The following METTL2A variants were observed in gnomAD, a reference collection of about 807,000 sequenced individuals.
METTL2A encodes the protein methyltransferase 2A, tRNA N3-cytidine, also known as tRNA N(3)-cytidine methyltransferase METTL2A.
METTL2A carries 45 observed loss-of-function variants against 49.4 expected under a neutral mutation model. That is an observed-to-expected ratio of 0.91 (90% CI 0.72 to 1.17). The LOEUF is 1.17. METTL2A is among the 50% of genes most tolerant of loss of function. METTL2A has a pLI of 0.00. For missense variants in METTL2A, 361 were observed against 462.2 expected (o/e 0.78, Z 2.01); for synonymous variants, 118 against 167.5 (o/e 0.70, Z 2.28).
intron 7 of METTL2A, among the ~76,000 whole-genome samples, chr17:62,447,249 A>AT (rs2070774949): frequency 6.6e-6 from 1 of 151,706 alleles, no homozygotes; most frequent in Non-Finnish European, 1.5e-5. Context: ...TGAAACCCTG[A>AT]CTCTACTAAA....
chr17:62,426,642 C>T lies in METTL2A; in HGVS notation c.546C>T (p.Tyr182=), dbSNP rs1301950429. The T allele has an allele frequency of 1.4e-6, 2 of 1,436,284 alleles. No individual in the cohort carries two copies. The allele number at this position is 1,436,284 out of a possible 1,614,324, so 89.0% of individuals were successfully genotyped here. Residue 182 remains tyrosine (Y), a synonymous_variant, in exon 3 of 9, where the codon TAC becomes TAT. Coordinates refer to ENST00000311506, the MANE Select transcript of METTL2A (RefSeq NM_181725.4). ...ADEFPGSSAT[Y]RILEVGCGVG... Reference sequence around the variant, plus strand: ...AGTTTCCTGGATCCTCAGCCACCTACCGAATACTGGAGGTAACCTTTTATT... The same window carrying T: ...AGTTTCCTGGATCCTCAGCCACCTATCGAATACTGGAGGTAACCTTTTATT...
At chr17:62,426,045 T>G (rs1221373067) in intron 2 of METTL2A, among the ~76,000 whole-genome samples, 1 of 151,176 alleles carries the variant, frequency 6.6e-6, no homozygotes, top group East Asian at 2.0e-4. Context: ...GGACACTTGA[T>G]AGATAGTAAG....
rs2070759205 is a variant in METTL2A, at chr17:62,444,922, G to A, written c.895G>A (p.Ala299Thr). The change falls in exon 7 of 9, where the codon GCT becomes ACT. Residue 299 changes from alanine to threonine, a missense_variant. Ala to Thr is a moderately conservative substitution (Grantham distance 58). Around this residue, in one of 3 missense-constraint regions of METTL2A, gnomAD observed 183 missense variants for 216.5 expected, o/e 0.85. Transcript: ENST00000311506. ...LLRDYGRYDMAQLRFKKGQCL... is the reference protein window; with the variant it reads ...LLRDYGRYDMTQLRFKKGQCL... ...GCGAGATTACGGCCGCTATGACATGGCTCAGCTTCGGTTTAAAAAAGGTAT... is the reference window on the plus strand; with the variant it reads ...GCGAGATTACGGCCGCTATGACATGACTCAGCTTCGGTTTAAAAAAGGTAT... 1.9e-6 allele frequency: 3 copies of A among 1,613,686 alleles called. No homozygotes were observed. Among genetic ancestry groups the A allele is most frequent in the Admixed American group, 1.7e-5 (1 of 59,932 alleles).
In METTL2A at chr17:62,424,171, C is replaced by G. The variant is rs753967338; in HGVS notation, c.111-48C>G. 5 of 1,613,624 alleles carry G rather than the reference C, an allele frequency of 3.1e-6. No homozygotes were observed. In the Admixed American group the frequency reaches 6.7e-5, roughly 22 times the overall value. On this transcript the variant is annotated intron_variant, in intron 1 of 8. Coordinates refer to ENST00000311506, the MANE Select transcript of METTL2A (RefSeq NM_181725.4). ...CTCCTAGGCCAGCGACTCACCCTGC[C>G]CGCAGCCAGGACGTGAGGCCCCTAA...
intron 6 of METTL2A, among the ~76,000 whole-genome samples, 166 bp from the exon 7 acceptor site, chr17:62,444,671 C>T (rs2070757279): frequency 6.6e-6 from 1 of 152,198 alleles, no homozygotes; most frequent in South Asian, 2.1e-4. Flanking sequence ...TGTGAGCAGG[C>T]AGCTAATGTC....
chr17:62,426,180 C>T (rs887118484), intron 2 of METTL2A, 119 bp from the exon 3 acceptor site: 22 of 949,644 alleles, frequency 2.3e-5, no homozygotes, highest in African/African-American at 5.0e-5. Flanking sequence ...GGGACTGTGG[C>T]TCTACCTGAG....
intron 5 of METTL2A, among the ~76,000 whole-genome samples, chr17:62,436,530 C>T (rs1011089804): frequency 2.0e-5 from 3 of 150,686 alleles, no homozygotes; most frequent in South Asian, 4.2e-4. Context: ...CCAGTCTGGG[C>T]GACAGTGAGA....
chr17:62,443,800 C>T (rs1425332606), intron 6 of METTL2A, among the ~76,000 whole-genome samples: 1 of 152,134 alleles, frequency 6.6e-6, no homozygotes, highest in Non-Finnish European at 1.5e-5. Flanking sequence ...CCATGTTGGC[C>T]AGGCTGGTCT....
intron 6 of METTL2A, among the ~76,000 whole-genome samples, 153 bp from the exon 7 acceptor site, chr17:62,444,684 T>G (rs112142735): frequency 2.0e-5 from 3 of 152,292 alleles, no homozygotes; most frequent in African/African-American, 7.2e-5. Context: ...CTAATGTCCT[T>G]CAGTTCTAAC....
At chr17:62,440,036 T>C (rs2144149794) in intron 5 of METTL2A, among the ~76,000 whole-genome samples, 1 of 149,840 alleles carries the variant, frequency 6.7e-6, no homozygotes, top group South Asian at 2.1e-4. Flanking sequence ...TTTTTTTTTC[T>C]TTTTTTTAGA....
chr17:62,448,554 A>T (rs760597245), intron 8 of METTL2A, 21 bp from the exon 9 acceptor site: 3 of 1,611,028 alleles, frequency 1.9e-6, no homozygotes, highest in Non-Finnish European at 2.5e-6. Context: ...ATGCATAAAC[A>T]TCTTTTATTT....
At chr17:62,424,148 C>T (rs1486705149) in intron 1 of METTL2A, 71 bp from the exon 2 acceptor site, 4 of 1,607,080 alleles carry the variant, frequency 2.5e-6, no homozygotes, top group African/African-American at 1.3e-5. Context: ...GAGAGAAACT[C>T]CTAGGCCAGC....
chr17:62,424,350 G>C, intron 2 of METTL2A, 40 bp downstream of exon 2: 1 of 1,612,484 alleles, frequency 6.2e-7, no homozygotes, highest in Non-Finnish European at 8.5e-7. Context: ...AACAGCCAGC[G>C]TACTGCCGAA....
At chr17:62,427,767 A>C in intron 3 of METTL2A, 21 bp from the exon 4 acceptor site, 1 of 1,603,076 alleles carries the variant, frequency 6.2e-7, no homozygotes, top group Non-Finnish European at 8.5e-7. Flanking sequence ...TCTGTGATTA[A>C]TAGTTCATTT....
intron 5 of METTL2A, among the ~76,000 whole-genome samples, chr17:62,438,645 AG>A (rs1421910024): frequency 6.6e-6 from 1 of 151,458 alleles, no homozygotes; most frequent in African/African-American, 2.4e-5. Context: ...AGGAATTGGT[AG>A]TGCCATGCTT....
In METTL2A at chr17:62,426,361, T is replaced by G; in HGVS notation, c.265T>G (p.Phe89Val). Residue 89 changes from phenylalanine (F) to valine (V), a missense_variant, in exon 3 of 9, where the codon TTT (phenylalanine) becomes GTT (valine). By Grantham distance (50) the Phe-to-Val change is conservative. Coordinates refer to ENST00000311506, the MANE Select transcript of METTL2A (RefSeq NM_181725.4). ...CTTCTACAAAATCCACGAAAATGGG[T>G]TTTTCAAGGATAGACATTGGCTTTT... ...NDFYKIHENG[F>V]FKDRHWLFTE... 1 of 1,613,178 alleles carries G rather than the reference T, an allele frequency of 6.2e-7. No homozygotes were observed. The highest frequency in any genetic ancestry group is 8.5e-7 in the Non-Finnish European group (1 of 1,179,700).
At chr17:62,428,522 C>T (rs1256277440) in intron 4 of METTL2A, among the ~76,000 whole-genome samples, 1 of 152,170 alleles carries the variant, frequency 6.6e-6, no homozygotes, top group African/African-American at 2.4e-5. Context: ...GAATCTGGCC[C>T]TCCGTGTTTC....
At chr17:62,427,991 G>GA (rs1184501425) in intron 4 of METTL2A, among the ~76,000 whole-genome samples, 154 bp downstream of exon 4, 1 of 151,346 alleles carries the variant, frequency 6.6e-6, no homozygotes, top group Non-Finnish European at 1.5e-5. Context: ...AATGTAGCAA[G>GA]AAAAAAAAGT....
At chr17:62,424,970 A>G (rs1427540585) in intron 2 of METTL2A, among the ~76,000 whole-genome samples, 2 of 150,940 alleles carry the variant, frequency 1.3e-5, no homozygotes, top group Middle Eastern at 3.4e-3. Flanking sequence ...TGTACAACAA[A>G]AAGATTCCAG....
Sources: gnomAD v4.1 joint callset for allele counts (sites outside exome capture counted in the v4.1 genomes callset) on GRCh38, gnomAD v4.1.1 for gene constraint, gnomAD v4.1.1 regional missense constraint, MANE v1.5 for transcripts, NCBI Gene and HGNC (gene_info 2026-07-23, HGNC 2026-07-21) for gene names.